Variants in ATP2A2 observed in about 807,000 individuals in gnomAD.
ATP2A2 encodes ATPase sarcoplasmic/endoplasmic reticulum Ca2+ transporting 2.
ATP2A2 carries 14 observed loss-of-function variants against 109.3 expected under a neutral mutation model. The observed-to-expected ratio is 0.13, with a 90% CI of 0.08 to 0.20. The LOEUF (loss-of-function observed/expected upper bound fraction) is 0.20, where lower values mean the gene tolerates loss of function less well. ATP2A2 is among the 10% of genes least tolerant of loss of function. The pLI, the probability that ATP2A2 is intolerant of heterozygous loss-of-function variation, is 1.00. For missense variants in ATP2A2, 657 were observed against 1,321.6 expected, an observed-to-expected ratio of 0.50 and a Z score of 7.80; for synonymous variants, 506 against 490.9, an observed-to-expected ratio of 1.03 and a Z score of -0.41.
At chr12:110,294,975 A>G (rs1007994033) in intron 4 of ATP2A2, among the ~76,000 whole-genome samples, 2 of 151,726 alleles carry the variant, frequency 1.3e-5, no homozygotes, top group African/African-American at 4.8e-5. Flanking sequence ...GTGCACCACC[A>G]CGCCTGGTTA....
At chr12:110,292,289 C>T (rs1873398788) in intron 4 of ATP2A2, among the ~76,000 whole-genome samples, 165 bp downstream of exon 4, 1 of 152,028 alleles carries the variant, frequency 6.6e-6, no homozygotes, top group African/African-American at 2.4e-5. Flanking sequence ...TGTTTTCTGA[C>T]ACAGTCTCAC....
Position 110,347,289 on chromosome 12 carries a change from A to T in ATP2A2, c.*819A>T, listed in dbSNP as rs761629470. On this transcript the variant is annotated 3_prime_UTR_variant, in exon 20 of 20. Transcript: ENST00000539276. Reference sequence around the variant, plus strand: ...TTTCAGTGGCACGTCATCTAGTTTTAAAAAAATAAAACATTTTAAATGGAC... The same window carrying T: ...TTTCAGTGGCACGTCATCTAGTTTTTAAAAAATAAAACATTTTAAATGGAC... The T allele has an allele frequency of 1.6e-5, 20 of 1,259,964 alleles. No individual in the cohort carries two copies. The highest frequency in any genetic ancestry group is 2.5e-5 in the Admixed American group (1 of 40,086). 78.0% of individuals were successfully genotyped at this position (1,259,964 alleles called of 1,614,324 possible).
intron 8 of ATP2A2, 121 bp from the exon 9 acceptor site, chr12:110,332,476 A>C (rs1592850813): frequency 1.2e-6 from 1 of 862,904 alleles, no homozygotes; most frequent in East Asian, 2.4e-5. Context: ...AGTTTTATTA[A>C]AGTTGTTTTC....
chr12:110,291,900 G>A, intron 3 of ATP2A2, 120 bp from the exon 4 acceptor site: 1 of 867,238 alleles, frequency 1.2e-6, no homozygotes, highest in East Asian at 2.6e-5. Flanking sequence ...GCCTGCCTTG[G>A]CCTCCCAAAG....
chr12:110,309,140 ATTTTTTTTTTTTTTTTTTTTTT>A lies in ATP2A2; in HGVS notation c.463+12417_463+12438del, dbSNP rs10665212. ...ATGGAGAGAGAGTTTAAGGAAACTA[ATTTTTTTTTTTTTTTTTTTTTT>A]TTTTTTTTTTTTTGAGATGGAATCT... On this transcript the variant is annotated intron_variant, in intron 5 of 19. Transcript: ENST00000539276. Among the ~76,000 whole-genome samples the A allele has an allele frequency of 1.4e-4, 7 of 48,904 alleles. No individual in the cohort carries two copies. The East Asian group carries it at 2.7e-3, about 19-fold the overall frequency. The allele number at this position is 48,904 out of a possible 152,430, so 32.1% of individuals were successfully genotyped here.
intron 3 of ATP2A2, among the ~76,000 whole-genome samples, chr12:110,284,014 T>A (rs1187117326): frequency 6.6e-6 from 1 of 152,256 alleles, no homozygotes; most frequent in East Asian, 1.9e-4. Flanking sequence ...TACTTTATTA[T>A]GCCATATTAG....
Position 110,347,049 on chromosome 12 carries a change from AC to A in ATP2A2, c.*584del, listed in dbSNP as rs1879940921. On this transcript the variant is annotated 3_prime_UTR_variant, in exon 20 of 20. Coordinates refer to ENST00000539276, the MANE Select transcript of ATP2A2 (RefSeq NM_170665.4). ...ACCCCACCCCACCTCTCCCCACCTT[AC>A]CCCCGCCCCGCTTGGCTTCTTCTTT... 1 of 878,768 alleles carries A rather than the reference AC, an allele frequency of 1.1e-6. No homozygotes were observed. Among genetic ancestry groups the A allele is most frequent in the South Asian group, 4.9e-5 (1 of 20,390 alleles). The allele number at this position is 878,768 out of a possible 1,614,324, so 54.4% of individuals were successfully genotyped here. A position where few individuals can be genotyped will look rare whatever the true frequency, so the allele number is the denominator to read the frequency against.
chr12:110,283,707 A>T (rs1210090484), intron 3 of ATP2A2, among the ~76,000 whole-genome samples: 2 of 152,208 alleles, frequency 1.3e-5, no homozygotes, highest in Non-Finnish European at 2.9e-5. Flanking sequence ...CGTTATTCTT[A>T]CAAAAACCAC....
rs1260963887 is a variant in ATP2A2, at chr12:110,293,824, A to ATG, written c.324+1701_324+1702insGT. On this transcript the variant is annotated intron_variant, in intron 4 of 19. Transcript: ENST00000539276. ...TTAGAGATTTGTAATTGTGCCATAT[A>ATG]TATGTGTGTGTGTGTGTGTGTGTGT... Among the ~76,000 whole-genome samples the ATG allele has an allele frequency of 3.6e-3, 460 of 126,406 alleles. 1 individual carries two copies. The highest frequency in any genetic ancestry group is 4.1e-3 in the Middle Eastern group (1 of 244). 82.9% of individuals were successfully genotyped at this position (126,406 alleles called of 152,430 possible). A position where few individuals can be genotyped will look rare whatever the true frequency, so the allele number is the denominator to read the frequency against.
chr12:110,287,676 G>A (rs1872802925), intron 3 of ATP2A2, among the ~76,000 whole-genome samples: 1 of 152,000 alleles, frequency 6.6e-6, no homozygotes, highest in Non-Finnish European at 1.5e-5. Context: ...GTGCAGTGGT[G>A]CGATCTTGGC....
intron 5 of ATP2A2, among the ~76,000 whole-genome samples, chr12:110,303,703 C>T (rs1468655130): frequency 3.3e-5 from 5 of 152,112 alleles, no homozygotes; most frequent in African/African-American, 9.7e-5. Flanking sequence ...CATGAGCCAC[C>T]GCGCCCAGCC....
In ATP2A2 at chr12:110,339,177, C is replaced by T. The variant is rs1399407946; in HGVS notation, c.1420-104C>T. The T allele has an allele frequency of 2.7e-6, 4 of 1,489,592 alleles. No homozygotes were observed. Among genetic ancestry groups the T allele is most frequent in the Non-Finnish European group, 3.7e-6 (4 of 1,075,922 alleles). 92.3% of individuals were successfully genotyped at this position (1,489,592 alleles called of 1,614,324 possible). A position where few individuals can be genotyped will look rare whatever the true frequency, so the allele number is the denominator to read the frequency against. ...AAAAACCTGTCTGTTTTGTTTATTG[C>T]TATATTCCTAGCATCTGTCATGTAA... On this transcript the variant is annotated intron_variant, in intron 11 of 19. Coordinates refer to ENST00000539276, the MANE Select transcript of ATP2A2 (RefSeq NM_170665.4). This position sits in a 1 kb window ranked among gnomAD's most constrained non-coding sequence, Gnocchi z 4.4.
At chr12:110,313,705 CTTTTT>C (rs137984643) in intron 5 of ATP2A2, among the ~76,000 whole-genome samples, 3 of 111,904 alleles carry the variant, frequency 2.7e-5, no homozygotes, top group Admixed American at 9.8e-5. Context: ...GATAATGGAA[CTTTTT>C]TTTTTTTTTT....
At position 110,281,498 on chromosome 12, in the gene ATP2A2, C is replaced by G. The variant is rs890217451; in HGVS notation, c.-292C>G. On this transcript the variant is annotated 5_prime_UTR_variant, in exon 1 of 20. Transcript: ENST00000539276. ...GCTCGGGGGCCGCGGCCTGCCCTCC[C>G]GGCGGGCGGCTGAGGGCGAGGGAGG... is the stretch of plus-strand genomic sequence containing the variant. The G allele has an allele frequency of 2.2e-5, 4 of 178,908 alleles. No homozygotes were observed. Among genetic ancestry groups the G allele is most frequent in the Non-Finnish European group, 3.4e-5 (3 of 87,418 alleles). The allele number at this position is 178,908 out of a possible 1,614,324, so 11.1% of individuals were successfully genotyped here. A position where few individuals can be genotyped will look rare whatever the true frequency, so the allele number is the denominator to read the frequency against.
At chr12:110,303,217 C>A (rs1005457862) in intron 5 of ATP2A2, among the ~76,000 whole-genome samples, 1 of 152,078 alleles carries the variant, frequency 6.6e-6, no homozygotes, top group Non-Finnish European at 1.5e-5. Flanking sequence ...TGTGTGTGTT[C>A]AATACAATTA....
Position 110,350,473 on chromosome 12 carries a change from G to A in ATP2A2, c.*4003G>A. On this transcript the variant is annotated 3_prime_UTR_variant, in exon 20 of 20. Coordinates refer to ENST00000539276, the MANE Select transcript of ATP2A2 (RefSeq NM_170665.4). ...TGTGGAGGAAATGTGTATTACCAAT[G>A]GGGTTGTTAGCTTTTAAATCAAAAT... is the stretch of plus-strand genomic sequence containing the variant. The A allele has an allele frequency of 9.7e-7, 1 of 1,034,410 alleles. No individual in the cohort carries two copies. 64.1% of individuals were successfully genotyped at this position (1,034,410 alleles called of 1,614,324 possible).
In ATP2A2 at chr12:110,301,533, C is replaced by T. The variant is rs535084177; in HGVS notation, c.463+4796C>T. On this transcript the variant is annotated intron_variant, in intron 5 of 19. Coordinates refer to ENST00000539276, the MANE Select transcript of ATP2A2 (RefSeq NM_170665.4). ...TCTGTCTCCAGAACACACCCAAGTTCGTGAACTCCGTTTCCTTGGTCAGCA... is the reference window on the plus strand; with the variant it reads ...TCTGTCTCCAGAACACACCCAAGTTTGTGAACTCCGTTTCCTTGGTCAGCA... Among the ~76,000 whole-genome samples the T allele has an allele frequency of 9.2e-5, 14 of 152,300 alleles. No homozygotes were observed. In the South Asian group the frequency reaches 2.3e-3, roughly 25 times the overall value.
chr12:110,319,777 TAC>T, intron 5 of ATP2A2, among the ~76,000 whole-genome samples: 1 of 151,736 alleles, frequency 6.6e-6, no homozygotes, highest in East Asian at 1.9e-4. Context: ...CATTACTAAA[TAC>T]AGTGTGTATA....
In ATP2A2 at chr12:110,348,216, A is replaced by T. The variant is rs1880064785; in HGVS notation, c.*1746A>T. ...TGAAAGCAAGTAACTGAACCAGTGA[A>T]CTCTGGGTATCGATAGGTTCGTCTT... On this transcript the variant is annotated 3_prime_UTR_variant, in exon 20 of 20. Coordinates refer to ENST00000539276, the MANE Select transcript of ATP2A2 (RefSeq NM_170665.4). 1 of 985,110 alleles carries T rather than the reference A, an allele frequency of 1.0e-6. No homozygotes were observed. The highest frequency in any genetic ancestry group is 1.2e-6 in the Non-Finnish European group (1 of 829,922). 61.0% of individuals were successfully genotyped at this position (985,110 alleles called of 1,614,324 possible). A position where few individuals can be genotyped will look rare whatever the true frequency, so the allele number is the denominator to read the frequency against.
Sources: allele counts gnomAD v4.1 joint callset (sites outside exome capture counted in the v4.1 genomes callset), GRCh38; gene constraint gnomAD v4.1.1; non-coding constraint Gnocchi (gnomAD v3.1); transcripts MANE v1.5; gene names NCBI Gene and HGNC (gene_info 2026-07-23, HGNC 2026-07-21).